The following FRMD5 variants were observed in gnomAD, a reference collection of about 807,000 sequenced individuals.
FRMD5 encodes FERM domain containing 5, also known as FERM domain-containing protein 5.
A neutral mutation model predicts 69.0 loss-of-function variants in FRMD5; 20 were observed. That is an observed-to-expected ratio of 0.29 (90% confidence interval 0.20 to 0.42). The LOEUF (loss-of-function observed/expected upper bound fraction) is 0.42, where lower values mean the gene tolerates loss of function less well. Among genes scored for constraint, FRMD5 ranks in the 10% least tolerant of loss-of-function variants. The pLI, the probability that FRMD5 is intolerant of heterozygous loss-of-function variation, is 1.00. For missense variants in FRMD5, 595 were observed against 708.6 expected (o/e 0.84, Z 1.82); for synonymous variants, 271 against 260.1 (o/e 1.04, Z -0.40).
At chr15:43,916,149 C>T (rs2140432396) in intron 4 of FRMD5, among the ~76,000 whole-genome samples, 1 of 152,290 alleles carries the variant, frequency 6.6e-6, no homozygotes, top group Middle Eastern at 3.4e-3. Flanking sequence ...AGATGGTTAG[C>T]ACAAATGCAT....
intron 1 of FRMD5, among the ~76,000 whole-genome samples, chr15:44,027,026 G>T (rs2140271370): frequency 6.6e-6 from 1 of 152,308 alleles, no homozygotes; most frequent in African/African-American, 2.4e-5. Context: ...TGTGGTGTTT[G>T]TTGGAATCTG....
chr15:44,062,536 C>T (rs1382921011), intron 1 of FRMD5, among the ~76,000 whole-genome samples: 1 of 151,768 alleles, frequency 6.6e-6, no homozygotes, highest in East Asian at 1.9e-4. Context: ...ACTAAAAATA[C>T]AAAAATTAGC....
At chr15:43,937,504 G>A (rs1475488685) in intron 1 of FRMD5, among the ~76,000 whole-genome samples, 2 of 152,074 alleles carry the variant, frequency 1.3e-5, no homozygotes, top group Non-Finnish European at 2.9e-5. Flanking sequence ...TGGGCGTGAT[G>A]GTACGTGCCT....
At chr15:44,127,257 A>C (rs950375196) in intron 1 of FRMD5, among the ~76,000 whole-genome samples, 1 of 152,086 alleles carries the variant, frequency 6.6e-6, no homozygotes, top group South Asian at 2.1e-4. Context: ...CACACCGACT[A>C]ATTCTTGTAT....
intron 1 of FRMD5, among the ~76,000 whole-genome samples, chr15:43,981,521 C>T (rs1219608721): frequency 6.6e-6 from 1 of 152,122 alleles, no homozygotes; most frequent in Non-Finnish European, 1.5e-5. Flanking sequence ...GAAGCCAACA[C>T]ACTTGGTGTA....
chr15:44,002,412 T>C (rs368908757), intron 1 of FRMD5, among the ~76,000 whole-genome samples: 3 of 152,156 alleles, frequency 2.0e-5, no homozygotes, highest in South Asian at 4.1e-4. Context: ...GTTCATTCTG[T>C]AGCAGGATGA....
Position 44,120,981 on chromosome 15 carries a change from G to T in FRMD5, c.102+73972C>A, listed in dbSNP as rs1472363657. The stretch of plus-strand genomic sequence containing the variant: ...CAGTCAACTTATAAATTTAGTAGTC[G>T]TCAGTGTTTAAGTGGTAGTGGAAAT... On this transcript the variant is annotated intron_variant, in intron 1 of 13. Coordinates refer to ENST00000417257, the MANE Select transcript of FRMD5 (RefSeq NM_032892.5). Among the ~76,000 whole-genome samples the T allele has an allele frequency of 2.0e-5, 3 of 152,134 alleles. No homozygotes were observed. In the East Asian group the frequency reaches 5.8e-4, roughly 29 times the overall value.
chr15:43,896,161 G>A (rs1301123125), intron 7 of FRMD5, among the ~76,000 whole-genome samples: 1 of 152,026 alleles, frequency 6.6e-6, no homozygotes, highest in Non-Finnish European at 1.5e-5. Context: ...CGTGGATATC[G>A]CCAGCTACAC....
intron 1 of FRMD5, among the ~76,000 whole-genome samples, chr15:44,191,281 T>G (rs1016051626): frequency 6.6e-6 from 1 of 152,308 alleles, no homozygotes; most frequent in South Asian, 2.1e-4. Flanking sequence ...TATTATAAGC[T>G]GAAAGATAGT....
intron 5 of FRMD5, among the ~76,000 whole-genome samples, chr15:43,907,906 G>A (rs1225581787): frequency 6.6e-6 from 1 of 152,146 alleles, no homozygotes; most frequent in African/African-American, 2.4e-5. Flanking sequence ...CTTCCAAAGT[G>A]CTGGGATAAC....
intron 13 of FRMD5, among the ~76,000 whole-genome samples, chr15:43,877,219 A>G (rs1442920506): frequency 1.3e-5 from 2 of 152,206 alleles, no homozygotes; most frequent in Non-Finnish European, 2.9e-5. Flanking sequence ...GTTGCCCTGA[A>G]ATAGTCCCTG....
At chr15:43,886,746 T>C (rs2140361343) in intron 10 of FRMD5, among the ~76,000 whole-genome samples, 1 of 152,340 alleles carries the variant, frequency 6.6e-6, no homozygotes, top group African/African-American at 2.4e-5. Context: ...GGGCATGTTC[T>C]TGCATCTGAC....
chr15:44,179,656 TA>T (rs745488575), intron 1 of FRMD5, among the ~76,000 whole-genome samples: 5 of 152,256 alleles, frequency 3.3e-5, no homozygotes, highest in South Asian at 2.1e-4. Flanking sequence ...ACACACACAT[TA>T]AACAAACAAC....
At position 44,168,913 on chromosome 15, in the gene FRMD5, A is replaced by G. The variant is rs142087771; in HGVS notation, c.102+26040T>C. 3.9e-3 allele frequency among the ~76,000 whole-genome samples: 598 copies of G among 152,018 alleles called. 5 individuals are homozygous for G. The highest frequency in any genetic ancestry group is 0.014 in the African/African-American group (560 of 41,456). ...GCTGCTACAAGCCTCCTTTACTTCA[A>G]ATGTTTCTTCTCTCCCTGTTGTTCC... On this transcript the variant is annotated intron_variant, in intron 1 of 13. Coordinates refer to ENST00000417257, the MANE Select transcript of FRMD5 (RefSeq NM_032892.5).
At chr15:44,140,029 C>T (rs2077245453) in intron 1 of FRMD5, among the ~76,000 whole-genome samples, 2 of 151,916 alleles carry the variant, frequency 1.3e-5, no homozygotes. Context: ...AATATATACA[C>T]ATATGCAATA....
intron 1 of FRMD5, among the ~76,000 whole-genome samples, chr15:43,963,682 A>T (rs2090243454): frequency 6.6e-6 from 1 of 152,260 alleles, no homozygotes; most frequent in Non-Finnish European, 1.5e-5. Context: ...GATAGACTGG[A>T]TTAAGAACAT....
intron 1 of FRMD5, among the ~76,000 whole-genome samples, chr15:44,134,193 TG>T (rs1349668122): frequency 6.6e-6 from 1 of 151,942 alleles, no homozygotes; most frequent in Non-Finnish European, 1.5e-5. Context: ...CAGTCATAGC[TG>T]GAACTCCTGA....
At chr15:44,128,483 A>C (rs992073149) in intron 1 of FRMD5, among the ~76,000 whole-genome samples, 5 of 152,212 alleles carry the variant, frequency 3.3e-5, no homozygotes, top group African/African-American at 1.2e-4. Context: ...ATCTCAAAAA[A>C]ATAAATAAAT....
intron 1 of FRMD5, among the ~76,000 whole-genome samples, chr15:44,192,792 A>C (rs2078217842): frequency 6.6e-6 from 1 of 152,222 alleles, no homozygotes; most frequent in Non-Finnish European, 1.5e-5. Flanking sequence ...CATATACTTA[A>C]CAATCCCTGT....
Sources: allele counts gnomAD v4.1 joint callset (sites outside exome capture counted in the v4.1 genomes callset), GRCh38; gene constraint gnomAD v4.1.1; transcripts MANE v1.5; gene names NCBI Gene and HGNC (gene_info 2026-07-23, HGNC 2026-07-21).